Variants in IQCK observed in about 807,000 individuals in gnomAD.
IQCK encodes the protein IQ domain-containing protein K.
In IQCK, 29 loss-of-function variants were observed where a neutral mutation model predicts 28.1. That is an observed-to-expected ratio of 1.03 (90% confidence interval 0.77 to 1.41). The LOEUF is 1.41. Ranked by LOEUF, IQCK falls within the 40% of genes most tolerant of loss-of-function variation. IQCK has a pLI of 0.00. For synonymous variants in IQCK, 113 were observed against 115.1 expected, an observed-to-expected ratio of 0.98 and a Z score of 0.12; for missense variants, 359 against 314.7, an observed-to-expected ratio of 1.14 and a Z score of -1.07.
At chr16:19,834,385 G>T (rs1247972411) in intron 9 of IQCK, among the ~76,000 whole-genome samples, 1 of 152,218 alleles carries the variant, frequency 6.6e-6, no homozygotes, top group Non-Finnish European at 1.5e-5. Flanking sequence ...CCAGGGATTT[G>T]AACCCGGATC....
intron 6 of IQCK, among the ~76,000 whole-genome samples, chr16:19,770,075 G>A (rs2055298615): frequency 6.6e-6 from 1 of 152,166 alleles, no homozygotes; most frequent in Admixed American, 6.5e-5. Flanking sequence ...GGATATCCAT[G>A]CCAGAAACAT....
rs2055196825 is a variant in IQCK, at chr16:19,764,363, T to C, written c.605+251T>C. 3 of 349,138 alleles carry C rather than the reference T, an allele frequency of 8.6e-6. No homozygotes were observed. In the East Asian group the frequency reaches 1.4e-4, roughly 16 times the overall value. The allele number at this position is 349,138 out of a possible 1,614,324, so 21.6% of individuals were successfully genotyped here. On this transcript the variant is annotated intron_variant, in intron 6 of 7. Transcript: ENST00000564186. ...AAAAAAAATTATTATCCTAAGTAATTTATCCCTCCATTCCCTTCATTTTTT... is the reference window on the plus strand; with the variant it reads ...AAAAAAAATTATTATCCTAAGTAATCTATCCCTCCATTCCCTTCATTTTTT...
chr16:19,718,536 G>T (rs746260246), intron 1 of IQCK, 49 bp downstream of exon 1: 3 of 1,483,210 alleles, frequency 2.0e-6, no homozygotes, highest in Non-Finnish European at 2.7e-6. Flanking sequence ...GCGGCCGGAC[G>T]GGGGCCGCGT....
intron 6 of IQCK, among the ~76,000 whole-genome samples, chr16:19,786,661 G>A (rs1207841765): frequency 1.4e-5 from 2 of 143,292 alleles, no homozygotes; most frequent in African/African-American, 5.9e-5. Context: ...TTATGCCACT[G>A]TACTCTAGCC....
At chr16:19,746,934 A>G (rs1467150334) in intron 4 of IQCK, among the ~76,000 whole-genome samples, 1 of 152,232 alleles carries the variant, frequency 6.6e-6, no homozygotes, top group Non-Finnish European at 1.5e-5. Flanking sequence ...GTACTTTATC[A>G]GTTAACTTTT....
At position 19,852,673 on chromosome 16, in the gene IQCK, A is replaced by G. The variant is rs113770248; in HGVS notation, c.803-3814A>G. Reference sequence around the variant, plus strand: ...AGTCTCGCCCTGTCGCCCAGGCTGGAGTGCAGTGACGCGATCTTGGCTTAC... The same window carrying G: ...AGTCTCGCCCTGTCGCCCAGGCTGGGGTGCAGTGACGCGATCTTGGCTTAC... On this transcript the variant is annotated intron_variant, in intron 9 of 9. Coordinates refer to the IQCK transcript ENST00000320394. Among the ~76,000 whole-genome samples, 1,171 of 130,428 alleles carry G rather than the reference A, an allele frequency of 9.0e-3. 19 individuals are homozygous for G. Among genetic ancestry groups the G allele is most frequent in the African/African-American group, 0.033 (1,101 of 33,330 alleles). The allele number at this position is 130,428 out of a possible 152,430, so 85.6% of individuals were successfully genotyped here.
chr16:19,785,989 C>T (rs940822962), intron 6 of IQCK, among the ~76,000 whole-genome samples: 20 of 152,160 alleles, frequency 1.3e-4, no homozygotes, highest in Admixed American at 9.2e-4. Flanking sequence ...CCAGTGACAC[C>T]CGCAGGGCCG....
chr16:19,730,709 T>TTGTC (rs985532819), intron 2 of IQCK, among the ~76,000 whole-genome samples: 4 of 137,950 alleles, frequency 2.9e-5, no homozygotes, highest in Admixed American at 6.9e-5. Flanking sequence ...GTTTCGGCGT[T>TTGTC]TGTCTGTCTA....
intron 7 of IQCK, among the ~76,000 whole-genome samples, chr16:19,807,177 C>G (rs1274677363): frequency 6.6e-6 from 1 of 152,218 alleles, no homozygotes; most frequent in East Asian, 1.9e-4. Flanking sequence ...AGGCCTCTAG[C>G]CAACAGCCAT....
intron 7 of IQCK, among the ~76,000 whole-genome samples, chr16:19,804,365 A>G (rs374006117): frequency 4.6e-5 from 7 of 151,812 alleles, no homozygotes; most frequent in African/African-American, 1.4e-4. Context: ...AAAATAAAAA[A>G]GTACTTGAGG....
chr16:19,815,412 A>C (rs139939075), intron 7 of IQCK, among the ~76,000 whole-genome samples: 1 of 152,282 alleles, frequency 6.6e-6, no homozygotes, highest in East Asian at 1.9e-4. Context: ...GCATTTTAGG[A>C]GGTGGAAGTG....
intron 9 of IQCK, among the ~76,000 whole-genome samples, chr16:19,856,088 G>A (rs1210426954): frequency 6.6e-6 from 1 of 152,162 alleles, no homozygotes; most frequent in Admixed American, 6.5e-5. Flanking sequence ...ATTGCCCCCA[G>A]TGATACCCTG....
chr16:19,793,673 T>G (rs1458924397), intron 7 of IQCK, among the ~76,000 whole-genome samples: 11 of 107,668 alleles, frequency 1.0e-4, no homozygotes, highest in Non-Finnish European at 3.4e-5. Flanking sequence ...TTTTTTTTTT[T>G]GTGAAATTAA....
chr16:19,814,781 A>G, intron 7 of IQCK, among the ~76,000 whole-genome samples: 1 of 143,006 alleles, frequency 7.0e-6, no homozygotes, highest in African/African-American at 2.7e-5. Flanking sequence ...AGGAATAAAG[A>G]GGGTCTTTTT....
At chr16:19,808,378 A>T (rs1039813702) in intron 7 of IQCK, among the ~76,000 whole-genome samples, 5 of 152,218 alleles carry the variant, frequency 3.3e-5, no homozygotes. Flanking sequence ...TATGTGACGA[A>T]AACTGATAAA....
chr16:19,752,163 A>G (rs2054995461), intron 4 of IQCK, among the ~76,000 whole-genome samples: 1 of 152,214 alleles, frequency 6.6e-6, no homozygotes, highest in Admixed American at 6.5e-5. Flanking sequence ...AAGGAATTCC[A>G]TGACATTCAG....
intron 9 of IQCK, among the ~76,000 whole-genome samples, chr16:19,834,822 G>A (rs139285147): frequency 0.014 from 2,206 of 152,340 alleles, 34 homozygotes; most frequent in Middle Eastern, 0.061. Flanking sequence ...TCTAGCCTGT[G>A]GCTCAGGAAG....
intron 9 of IQCK, among the ~76,000 whole-genome samples, chr16:19,836,435 A>G (rs1321113372): frequency 6.6e-6 from 1 of 152,232 alleles, no homozygotes; most frequent in Non-Finnish European, 1.5e-5. Flanking sequence ...TCCCACTGCA[A>G]TGCCTGAAGA....
At chr16:19,748,214 A>G (rs547722900) in intron 4 of IQCK, among the ~76,000 whole-genome samples, 21 of 151,242 alleles carry the variant, frequency 1.4e-4, no homozygotes, top group Admixed American at 8.0e-4. Flanking sequence ...AGCTGGGATT[A>G]CAGGTGTGTG....
Sources: gnomAD v4.1 joint callset for allele counts (sites outside exome capture counted in the v4.1 genomes callset) on GRCh38, gnomAD v4.1.1 for gene constraint, MANE v1.5 for transcripts, NCBI Gene and HGNC (gene_info 2026-07-23, HGNC 2026-07-21) for gene names.